Variants in EZR observed in about 807,000 individuals in gnomAD.
EZR encodes ezrin.
EZR carries 40 observed loss-of-function variants against 74.8 expected under a neutral mutation model. The ratio of observed to expected loss-of-function variants is 0.53; its 90% confidence interval spans 0.42 to 0.70. The LOEUF is 0.70. Among genes scored for constraint, EZR ranks in the 30% least tolerant of loss-of-function variants. EZR has a pLI of 0.00. For missense variants in EZR, 678 were observed against 755.8 expected (o/e 0.90, Z 1.21); for synonymous variants, 341 against 283.3 (o/e 1.20, Z -2.05).
intron 2 of EZR, among the ~76,000 whole-genome samples, chr6:158,810,702 T>C (rs889530931): frequency 1.3e-5 from 2 of 152,150 alleles, no homozygotes; most frequent in East Asian, 1.9e-4. Context: ...AGAAGACCAA[T>C]GGACAAACTT....
chr6:158,813,555 AG>A (rs1053185541), intron 2 of EZR, among the ~76,000 whole-genome samples: 3 of 119,432 alleles, frequency 2.5e-5, no homozygotes, highest in Admixed American at 7.7e-5. Context: ...GTGGAGGAGG[AG>A]GGGTGGAAAC....
intron 7 of EZR, among the ~76,000 whole-genome samples, chr6:158,780,638 C>T (rs1296366792): frequency 6.6e-6 from 1 of 152,184 alleles, no homozygotes; most frequent in Non-Finnish European, 1.5e-5. Flanking sequence ...GAAACTCCTA[C>T]CTACAGAAGG....
At position 158,770,911 on chromosome 6, in the gene EZR, G is replaced by C; in HGVS notation, c.960-17C>G. The C allele has an allele frequency of 6.2e-7, 1 of 1,614,152 alleles. No homozygotes were observed. Among genetic ancestry groups the C allele is most frequent in the East Asian group, 2.2e-5 (1 of 44,890 alleles). On this transcript the variant is annotated splice_polypyrimidine_tract_variant and intron_variant, in intron 9 of 13. Coordinates refer to ENST00000367075, the MANE Select transcript of EZR (RefSeq NM_001111077.2). ...AGCTGTTGCCTGGTGCAGGGAAAAA[G>C]AGGCACAGGGAGATTTAGACTCTGG... is the stretch of plus-strand genomic sequence containing the variant.
chr6:158,814,412 T>C (rs1190288900), intron 2 of EZR, among the ~76,000 whole-genome samples: 1 of 151,910 alleles, frequency 6.6e-6, no homozygotes, highest in African/African-American at 2.4e-5. Flanking sequence ...TTTCCCAGTC[T>C]GACAGCACTT....
intron 8 of EZR, among the ~76,000 whole-genome samples, chr6:158,772,728 T>G (rs1007717771): frequency 6.6e-6 from 1 of 152,324 alleles, no homozygotes; most frequent in Middle Eastern, 3.4e-3. Flanking sequence ...TCTGTTGGCT[T>G]CCTCTTAACC....
intron 7 of EZR, among the ~76,000 whole-genome samples, chr6:158,782,731 C>A (rs535996424): frequency 6.6e-4 from 100 of 152,332 alleles, no homozygotes; most frequent in Admixed American, 1.2e-3. Flanking sequence ...AGGAGGCAGT[C>A]AGGAGCCTCT....
rs556801084 is a variant in EZR at position 158,817,238 on chromosome 6, C to A, written c.12+844G>T. 3.9e-5 allele frequency among the ~76,000 whole-genome samples: 6 copies of A among 152,304 alleles called. No individual in the cohort carries two copies. In the East Asian group the frequency reaches 1.2e-3, roughly 29 times the overall value. On this transcript the variant is annotated intron_variant, in intron 2 of 13. Coordinates refer to ENST00000367075, the MANE Select transcript of EZR (RefSeq NM_001111077.2). ...CAAAACTCAAAAAATGTTAAACCTT[C>A]CCCCTAATGTCTAGTCACCAGTTCC...
intron 2 of EZR, among the ~76,000 whole-genome samples, chr6:158,817,049 C>CA (rs1054862315): frequency 2.6e-5 from 4 of 152,148 alleles, no homozygotes; most frequent in Admixed American, 2.6e-4. Flanking sequence ...CATGCCACTG[C>CA]ACTCCAGCCT....
At chr6:158,773,514 C>T (rs961231409) in intron 8 of EZR, among the ~76,000 whole-genome samples, 2 of 152,168 alleles carry the variant, frequency 1.3e-5, no homozygotes, top group Non-Finnish European at 2.9e-5. Flanking sequence ...TTAAACTGGC[C>T]GAGGACCAGC....
intron 2 of EZR, among the ~76,000 whole-genome samples, chr6:158,811,699 CAAA>C (rs796603728): frequency 8.6e-5 from 13 of 151,832 alleles, no homozygotes; most frequent in African/African-American, 3.1e-4. Context: ...TCTTGTTTCA[CAAA>C]AAAATAAAAA....
At position 158,766,885 on chromosome 6, in the gene EZR, C is replaced by G. The variant is rs1790890446; in HGVS notation, c.*29G>C. ...GGGCTGGCAGCGCCCGCTATGAGCACCCCTCTGCCCTTGGTCCTGGCCTGG... is the reference window on the plus strand; with the variant it reads ...GGGCTGGCAGCGCCCGCTATGAGCAGCCCTCTGCCCTTGGTCCTGGCCTGG... On this transcript the variant is annotated 3_prime_UTR_variant, in exon 14 of 14. Transcript: ENST00000367075. The G allele has an allele frequency of 1.2e-6, 2 of 1,605,122 alleles. No homozygotes were observed. Among genetic ancestry groups the G allele is most frequent in the African/African-American group, 1.3e-5 (1 of 74,886 alleles).
intron 12 of EZR, among the ~76,000 whole-genome samples, chr6:158,768,242 C>T (rs1354058079): frequency 6.6e-6 from 1 of 152,026 alleles, no homozygotes; most frequent in Non-Finnish European, 1.5e-5. Flanking sequence ...GCTTTTCTCT[C>T]TTCTGCCCTC....
chr6:158,784,252 T>C (rs1003036791), intron 6 of EZR, among the ~76,000 whole-genome samples: 3 of 152,238 alleles, frequency 2.0e-5, no homozygotes, highest in Non-Finnish European at 4.4e-5. Context: ...ATTTCTCACT[T>C]GGGATCCTTT....
intron 2 of EZR, 33 bp from the exon 3 acceptor site, chr6:158,789,404 C>T: frequency 6.3e-7 from 1 of 1,579,552 alleles, no homozygotes; most frequent in Non-Finnish European, 8.7e-7. Context: ...TTACGCTTAA[C>T]TGAGTATTCT....
At chr6:158,780,755 G>A (rs1014541158) in intron 7 of EZR, among the ~76,000 whole-genome samples, 5 of 152,144 alleles carry the variant, frequency 3.3e-5, no homozygotes, top group Non-Finnish European at 7.3e-5. Flanking sequence ...TTTTGTTTTT[G>A]GTCCGAGTGT....
At chr6:158,805,241 A>AG (rs1175137380) in intron 2 of EZR, among the ~76,000 whole-genome samples, 1 of 148,420 alleles carries the variant, frequency 6.7e-6, no homozygotes, top group Admixed American at 6.9e-5. Flanking sequence ...CGTGGGGCTG[A>AG]GGCAGGAGAA....
At chr6:158,777,042 A>G (rs1791298837) in intron 7 of EZR, among the ~76,000 whole-genome samples, 1 of 152,132 alleles carries the variant, frequency 6.6e-6, no homozygotes, top group South Asian at 2.1e-4. Flanking sequence ...CCACCTTTCA[A>G]CACACAGTTC....
In EZR at chr6:158,766,266, G is replaced by A. The variant is rs1056499297; in HGVS notation, c.*648C>T. ...GTATATAGCTGATCATTAATAAGGT[G>A]TATAAGTACAATGTATTCTAAAACT... On this transcript the variant is annotated 3_prime_UTR_variant, in exon 14 of 14. Transcript: ENST00000367075. 4 of 149,028 alleles carry A rather than the reference G, an allele frequency of 2.7e-5. No homozygotes were observed. Among genetic ancestry groups the A allele is most frequent in the Non-Finnish European group, 5.9e-5 (4 of 67,702 alleles). The allele number at this position is 149,028 out of a possible 1,614,324, so 9.2% of individuals were successfully genotyped here. A position where few individuals can be genotyped will look rare whatever the true frequency, so the allele number is the denominator to read the frequency against.
chr6:158,813,937 T>TC (rs1298756806), intron 2 of EZR, among the ~76,000 whole-genome samples: 1 of 152,134 alleles, frequency 6.6e-6, no homozygotes, highest in African/African-American at 2.4e-5. Context: ...CCTTGCTCAC[T>TC]CCCCATGCCT....
Sources: gnomAD v4.1 joint callset for allele counts (sites outside exome capture counted in the v4.1 genomes callset) on GRCh38, gnomAD v4.1.1 for gene constraint, MANE v1.5 for transcripts, NCBI Gene and HGNC (gene_info 2026-07-23, HGNC 2026-07-21) for gene names.